DDR2: variants seen among roughly 807,000 people sequenced by gnomAD.
The protein encoded by DDR2 is discoidin domain-containing receptor 2.
In DDR2, 27 loss-of-function variants were observed where a neutral mutation model predicts 94.9. The ratio of observed to expected loss-of-function variants is 0.28; its 90% CI spans 0.21 to 0.39. The LOEUF (loss-of-function observed/expected upper bound fraction) is 0.39. DDR2 is among the 10% of genes least tolerant of loss of function. The pLI is 1.00. For synonymous variants in DDR2, 382 were observed against 377.2 expected, an observed-to-expected ratio of 1.01 and a Z score of -0.15; for missense variants, 783 against 1,076.0, an observed-to-expected ratio of 0.73 and a Z score of 3.81.
At chr1:162,708,728 A>T (rs549648763) in intron 2 of DDR2, among the ~76,000 whole-genome samples, 3 of 152,278 alleles carry the variant, frequency 2.0e-5, no homozygotes, top group African/African-American at 7.2e-5. Flanking sequence ...GACCAAATGA[A>T]ATGTCCTGGT....
intron 1 of DDR2, among the ~76,000 whole-genome samples, chr1:162,646,437 G>T (rs1346989136): frequency 1.3e-5 from 2 of 152,124 alleles, no homozygotes; most frequent in Admixed American, 6.5e-5. Context: ...CTTTACATAT[G>T]TAATCTCATG....
chr1:162,634,705 G>C (rs4657213), intron 1 of DDR2, among the ~76,000 whole-genome samples: 2 of 152,136 alleles, frequency 1.3e-5, no homozygotes, highest in Non-Finnish European at 2.9e-5. Flanking sequence ...GGCCTGGTTT[G>C]ATATGATTCC....
chr1:162,729,894 C>A (rs1210682753), intron 3 of DDR2, among the ~76,000 whole-genome samples: 1 of 151,860 alleles, frequency 6.6e-6, no homozygotes, highest in Non-Finnish European at 1.5e-5. Flanking sequence ...CAGGCATGCA[C>A]CACCACGCCT....
intron 1 of DDR2, among the ~76,000 whole-genome samples, chr1:162,653,923 A>G (rs1657830643): frequency 6.6e-6 from 1 of 152,130 alleles, no homozygotes; most frequent in Non-Finnish European, 1.5e-5. Flanking sequence ...CCCATTAAGT[A>G]CTGTATCCTT....
At chr1:162,664,334 G>C (rs1658441619) in intron 2 of DDR2, among the ~76,000 whole-genome samples, 1 of 151,964 alleles carries the variant, frequency 6.6e-6, no homozygotes, top group Non-Finnish European at 1.5e-5. Flanking sequence ...CAAGATACGT[G>C]AATAACCTTA....
chr1:162,682,981 A>G (rs1359880207), intron 2 of DDR2, among the ~76,000 whole-genome samples: 1 of 152,234 alleles, frequency 6.6e-6, no homozygotes, highest in South Asian at 2.1e-4. Context: ...ATACATGTGA[A>G]AATCCTCTAC....
chr1:162,755,777 C>T lies in DDR2; in HGVS notation c.671+8C>T, dbSNP rs1396476650. 5.0e-6 allele frequency: 8 copies of T among 1,611,326 alleles called. No homozygotes were observed. The highest frequency in any genetic ancestry group is 6.8e-6 in the Non-Finnish European group (8 of 1,177,506). ...TGGAGCTGTTGGATACAGGTAAATC[C>T]TGGGAAACTTTATTAGAATGGGAAA... On this transcript the variant is annotated splice_region_variant and intron_variant, in intron 7 of 17. Coordinates refer to ENST00000367921, the MANE Select transcript of DDR2 (RefSeq NM_006182.4).
intron 2 of DDR2, among the ~76,000 whole-genome samples, chr1:162,684,854 CAT>C (rs1553243387): frequency 7.6e-5 from 11 of 144,336 alleles, no homozygotes; most frequent in South Asian, 2.2e-4. Context: ...CACACACACA[CAT>C]ACATGAATAG....
At chr1:162,637,683 C>G (rs867851406) in intron 1 of DDR2, among the ~76,000 whole-genome samples, 8 of 152,184 alleles carry the variant, frequency 5.3e-5, no homozygotes, top group Non-Finnish European at 1.0e-4. Flanking sequence ...TGAGGTTTCT[C>G]ATTTATTAGA....
intron 3 of DDR2, among the ~76,000 whole-genome samples, chr1:162,722,823 A>C (rs1045093080): frequency 6.6e-6 from 1 of 152,186 alleles, no homozygotes; most frequent in Non-Finnish European, 1.5e-5. Context: ...TTTCTGCTAC[A>C]AAATTACTGT....
chr1:162,713,399 T>C (rs1180097383), intron 2 of DDR2, among the ~76,000 whole-genome samples: 1 of 152,206 alleles, frequency 6.6e-6, no homozygotes, highest in East Asian at 1.9e-4. Context: ...ATTTTCCTTG[T>C]TGAAAATCAA....
At chr1:162,669,875 AGT>A (rs1447506549) in intron 2 of DDR2, among the ~76,000 whole-genome samples, 1 of 152,142 alleles carries the variant, frequency 6.6e-6, no homozygotes, top group East Asian at 1.9e-4. Flanking sequence ...TTTCTCTATG[AGT>A]GCATTAATGT....
intron 17 of DDR2, among the ~76,000 whole-genome samples, chr1:162,779,378 G>A (rs1647773015): frequency 6.6e-6 from 1 of 152,106 alleles, no homozygotes; most frequent in African/African-American, 2.4e-5. Context: ...AGTAACTACA[G>A]CACCGCACTT....
chr1:162,757,183 T>C (rs375453399), intron 7 of DDR2, among the ~76,000 whole-genome samples: 53 of 152,364 alleles, frequency 3.5e-4, no homozygotes, highest in African/African-American at 1.3e-3. Context: ...TTCTGTTTGC[T>C]ACAAGGCTTA....
At chr1:162,748,172 G>T in intron 3 of DDR2, among the ~76,000 whole-genome samples, 1 of 152,110 alleles carries the variant, frequency 6.6e-6, no homozygotes. Flanking sequence ...AATGTAAATG[G>T]GCTAAATGCT....
At chr1:162,737,202 C>T (rs1437863839) in intron 3 of DDR2, among the ~76,000 whole-genome samples, 4 of 145,812 alleles carry the variant, frequency 2.7e-5, no homozygotes, top group African/African-American at 7.6e-5. Flanking sequence ...TACATGTGCA[C>T]ATTGTGCAGG....
chr1:162,646,482 G>T (rs769310801), intron 1 of DDR2, among the ~76,000 whole-genome samples: 2 of 152,066 alleles, frequency 1.3e-5, no homozygotes, highest in Non-Finnish European at 2.9e-5. Context: ...GAGTGCTTTG[G>T]CTATTTTACA....
chr1:162,697,328 A>G (rs1479571191), intron 2 of DDR2, among the ~76,000 whole-genome samples: 1 of 152,160 alleles, frequency 6.6e-6, no homozygotes, highest in Non-Finnish European at 1.5e-5. Context: ...GGGTCATAAA[A>G]TCTGAGTCAT....
At position 162,767,218 on chromosome 1, in the gene DDR2, C is replaced by T. The variant is rs1269581645; in HGVS notation, c.1163-11C>T. The T allele has an allele frequency of 6.2e-7, 1 of 1,613,976 alleles. No individual in the cohort carries two copies. The highest frequency in any genetic ancestry group is 1.3e-5 in the African/African-American group (1 of 74,980). ...ATGATTGTATTCTCTGCCTTCTCTC[C>T]CTGGTCACAGATCCAATGCTTAAAG... On this transcript the variant is annotated splice_polypyrimidine_tract_variant and intron_variant, in intron 10 of 17. Coordinates refer to ENST00000367921, the MANE Select transcript of DDR2 (RefSeq NM_006182.4).
Sources: gnomAD v4.1 joint callset for allele counts (sites outside exome capture counted in the v4.1 genomes callset) on GRCh38, gnomAD v4.1.1 for gene constraint, MANE v1.5 for transcripts, NCBI Gene and HGNC (gene_info 2026-07-23, HGNC 2026-07-21) for gene names.